Variants in GJB1 observed in about 807,000 individuals in gnomAD.
The protein encoded by GJB1 is gap junction beta-1 protein.
In GJB1, 1 loss-of-function variant was observed where a neutral mutation model predicts 12.0. That is an observed-to-expected ratio of 0.08 (90% CI 0.03 to 0.40). GJB1 has a LOEUF of 0.40. GJB1 is among the 10% of genes least tolerant of loss of function. The pLI is 0.98. For synonymous variants in GJB1, 114 were observed against 102.8 expected (o/e 1.11, Z -0.66); for missense variants, 140 against 250.3 (o/e 0.56, Z 2.97).
At chrX:71,223,608 AG>A (rs1387612056) in intron 1 of GJB1, 83 bp from the exon 2 acceptor site, 21 of 886,957 alleles carry the variant, frequency 2.4e-5, no homozygotes, top group Non-Finnish European at 3.4e-5. Context: ...GGAAGAGTTG[AG>A]GGGGGGTGCG....
chrX:71,220,164 T>TTTTTTTTTTTTTTTTTTG (rs2147941994), upstream of GJB1, among the ~76,000 whole-genome samples: 1 of 69,681 alleles, frequency 1.4e-5, no homozygotes, highest in East Asian at 4.5e-4. Context: ...TTTTTTTTTT[T>TTTTTTTTTTTTTTTTTTG]GAGACAGCCG....
In GJB1 at chrX:71,224,419, C is replaced by T. The variant is rs200774406; in HGVS notation, c.712C>T (p.Arg238Cys). The T allele has an allele frequency of 1.2e-5, 14 of 1,208,174 alleles. No homozygotes were observed. ...PSRKGSGFGH[R>C]LSPEYKQNEI... is the part of the protein sequence containing the mutation. Reference sequence around the variant, plus strand: ...CCGCAAGGGCTCGGGCTTCGGCCACCGCCTCTCACCTGAATACAAGCAGAA... The same window carrying T: ...CCGCAAGGGCTCGGGCTTCGGCCACTGCCTCTCACCTGAATACAAGCAGAA... The change falls in exon 2 of 2, where the codon CGC becomes TGC. Residue 238 changes from arginine to cysteine, a missense_variant. Arg to Cys is a radical substitution (Grantham distance 180, BLOSUM62 -3). Around this residue, in one of 4 missense-constraint regions of GJB1, gnomAD observed 75 missense variants for 78.8 expected, o/e 0.95. Transcript: ENST00000361726.
upstream of GJB1, among the ~76,000 whole-genome samples, chrX:71,220,889 C>CTTTTTTTTTT (rs1491472340): frequency 3.8e-4 from 20 of 52,742 alleles, no homozygotes; most frequent in Middle Eastern, 0.011. Flanking sequence ...TTGTTTCTTT[C>CTTTTTTTTTT]CTTTTTTTTT....
In GJB1 at chrX:71,224,013, G is replaced by A. The variant is rs2092543980; in HGVS notation, c.306G>A (p.Glu102=). 8.3e-7 allele frequency: 1 copy of A among 1,203,449 alleles called. No homozygotes were observed. The highest frequency in any genetic ancestry group is 3.0e-5 in the East Asian group (1 of 33,656). The change falls in exon 2 of 2, where the codon GAG becomes GAA. Residue 102 remains glutamate, a synonymous_variant. Transcript: ENST00000361726. ...AMHVAHQQHI[E]KKMLRLEGHG... ...ACGTGGCTCACCAGCAACACATAGA[G>A]AAGAAAATGCTACGGCTTGAGGGCC...
At chrX:71,219,360 G>A (rs968847906), upstream of GJB1, among the ~76,000 whole-genome samples, 3 of 108,367 alleles carry the variant, frequency 2.8e-5, no homozygotes, top group Non-Finnish European at 5.7e-5. Flanking sequence ...TAGAGATGGG[G>A]TCTCACTATG....
At chrX:71,221,320 G>T (rs1028301262), upstream of GJB1, among the ~76,000 whole-genome samples, 1 of 91,393 alleles carries the variant, frequency 1.1e-5, no homozygotes, top group African/African-American at 4.0e-5. Context: ...ACTCACTAAG[G>T]CTTTTTATTT....
upstream of GJB1, among the ~76,000 whole-genome samples, chrX:71,219,023 G>A (rs2092531156): frequency 9.0e-6 from 1 of 110,576 alleles, no homozygotes; most frequent in South Asian, 3.8e-4. Flanking sequence ...GTGATATGAG[G>A]ATAAAGCAAC....
rs753503984 is a variant in GJB1, at chrX:71,224,344, A to G, written c.637A>G (p.Ile213Val). Residue 213 changes from isoleucine (I) to valine (V), a missense_variant, in exon 2 of 2, where the codon ATC becomes GTC. Physicochemically the swap from Ile to Val is conservative, Grantham distance 29 (BLOSUM62 3). Around this residue, in one of 4 missense-constraint regions of GJB1, gnomAD observed 75 missense variants for 78.8 expected, o/e 0.95. Coordinates refer to ENST00000361726, the MANE Select transcript of GJB1 (RefSeq NM_000166.6). ...ILNVAEVVYL[I>V]IRACARRAQR... ...CAATGTGGCCGAGGTGGTGTACCTC[A>G]TCATCCGGGCCTGTGCCCGCCGAGC... 1.0e-4 allele frequency: 120 copies of G among 1,205,979 alleles called. No individual in the cohort carries two copies. The highest frequency in any genetic ancestry group is 1.3e-4 in the Non-Finnish European group (119 of 894,397).
upstream of GJB1, among the ~76,000 whole-genome samples, chrX:71,219,793 A>T (rs902472469): frequency 2.7e-4 from 27 of 99,798 alleles, no homozygotes; most frequent in South Asian, 1.4e-3. Flanking sequence ...AAAAAAAAAA[A>T]AAGAATAACC....
chrX:71,219,822 A>T (rs868610494), upstream of GJB1, among the ~76,000 whole-genome samples: 4 of 88,022 alleles, frequency 4.5e-5, no homozygotes, highest in Admixed American at 1.3e-4. Context: ...TTATTCTTTT[A>T]TTATTATTAT....
chrX:71,223,623 G>A, intron 1 of GJB1, 69 bp from the exon 2 acceptor site: 1 of 1,018,500 alleles, frequency 9.8e-7, no homozygotes, highest in Non-Finnish European at 1.4e-6. Context: ...GGGTGCGCAG[G>A]CAGTGCTATG....
chrX:71,220,983 G>A (rs866650781), upstream of GJB1, among the ~76,000 whole-genome samples: 6 of 87,178 alleles, frequency 6.9e-5, no homozygotes, highest in Admixed American at 1.6e-4. Flanking sequence ...TGCAATCTCC[G>A]CCTCCTGGGT....
chrX:71,217,674 G>T (rs899858380), intron 1 of GJB1: 1 of 111,415 alleles, frequency 9.0e-6, no homozygotes, highest in Non-Finnish European at 1.9e-5. Context: ...TCCTTCCAAA[G>T]GTAACAGCAA....
At position 71,223,764 on chromosome X, in the gene GJB1, C is replaced by T. The variant is rs769450739; in HGVS notation, c.57C>T (p.Ala19=). 3 of 1,210,305 alleles carry T rather than the reference C, an allele frequency of 2.5e-6. No homozygotes were observed. The highest frequency in any genetic ancestry group is 3.4e-6 in the Non-Finnish European group (3 of 894,200). The change falls in exon 2 of 2, where the codon GCC becomes GCT. Residue 19 remains alanine, a synonymous_variant. Coordinates refer to ENST00000361726, the MANE Select transcript of GJB1 (RefSeq NM_000166.6). The part of the protein sequence containing the change: ...LLSGVNRHST[A]IGRVWLSVIF... ...GTGGCGTGAACCGGCATTCTACTGC[C>T]ATTGGCCGAGTATGGCTCTCGGTCA...
At chrX:71,220,889 C>CTTTTTT (rs1491472340), upstream of GJB1, among the ~76,000 whole-genome samples, 140 of 52,682 alleles carry the variant, frequency 2.7e-3, no homozygotes, top group East Asian at 7.9e-3. Context: ...TTGTTTCTTT[C>CTTTTTT]CTTTTTTTTT....
At chrX:71,218,543 C>G (rs1363253087), upstream of GJB1, among the ~76,000 whole-genome samples, 2 of 109,260 alleles carry the variant, frequency 1.8e-5, no homozygotes, top group African/African-American at 6.7e-5. Context: ...GATCGCGCCA[C>G]TGCACTTCAG....
At chrX:71,217,137 T>TGTGTGC (rs1425482621) in intron 1 of GJB1, among the ~76,000 whole-genome samples, 1 of 108,772 alleles carries the variant, frequency 9.2e-6, no homozygotes, top group Non-Finnish European at 1.9e-5. Context: ...TGTGTGTGTG[T>TGTGTGC]GTGCGTGTGC....
chrX:71,218,699 C>T (rs765545473), upstream of GJB1, among the ~76,000 whole-genome samples: 677 of 109,816 alleles, frequency 6.2e-3, 3 homozygotes, highest in African/African-American at 0.021. Context: ...CTGGCTAACA[C>T]GGTGAAACCC....
chrX:71,215,399 C>T (rs1220000911), intron 1 of GJB1: 1 of 112,389 alleles, frequency 8.9e-6, no homozygotes, highest in Non-Finnish European at 1.9e-5. Flanking sequence ...CCTTCAGCCA[C>T]TTAGGTCCCT....
Sources: allele counts gnomAD v4.1 joint callset (sites outside exome capture counted in the v4.1 genomes callset), GRCh38; gene constraint gnomAD v4.1.1; regional missense constraint gnomAD v4.1.1; transcripts MANE v1.5; gene names NCBI Gene and HGNC (gene_info 2026-07-23, HGNC 2026-07-21).